The following PPFIA3 variants were observed in gnomAD, a reference collection of about 807,000 sequenced individuals.
The protein encoded by PPFIA3 is PPFI scaffold protein A3.
A neutral mutation model predicts 145.8 loss-of-function variants in PPFIA3; 26 were observed. The observed-to-expected ratio is 0.18, with a 90% CI of 0.13 to 0.25. The LOEUF is 0.25. PPFIA3 is among the 10% of genes least tolerant of loss of function. The pLI is 1.00. For missense variants in PPFIA3, 1,008 were observed against 1,587.8 expected, an observed-to-expected ratio of 0.63 and a Z score of 6.21; for synonymous variants, 645 against 661.4, an observed-to-expected ratio of 0.98 and a Z score of 0.38.
chr19:49,148,240 T>G lies in PPFIA3; in HGVS notation c.2993T>G (p.Met998Arg). The G allele has an allele frequency of 6.2e-7, 1 of 1,613,970 alleles. No homozygotes were observed. The highest frequency in any genetic ancestry group is 8.5e-7 in the Non-Finnish European group (1 of 1,179,848). Reference sequence around the variant, plus strand: ...AAGGAGCTCCGGGGCCAACTCAAGATGGTGGACAGCTTTCACAGGTGGGGG... The same window carrying G: ...AAGGAGCTCCGGGGCCAACTCAAGAGGGTGGACAGCTTTCACAGGTGGGGG... ...NKKELRGQLK[M>R]VDSFHRVSLH... Residue 998 changes from methionine (M) to arginine (R), a missense_variant, in exon 24 of 30, where the codon ATG (methionine) becomes AGG (arginine). Transcript: ENST00000334186.
At chr19:49,141,941 G>A in intron 19 of PPFIA3, 93 bp from the exon 20 acceptor site, 1 of 884,648 alleles carries the variant, frequency 1.1e-6, no homozygotes, top group Non-Finnish European at 1.7e-6. Flanking sequence ...ATGTGCATGT[G>A]TGTGTGTGTG....
At chr19:49,132,283 A>T (rs1034248553) in intron 7 of PPFIA3, among the ~76,000 whole-genome samples, 1 of 145,674 alleles carries the variant, frequency 6.9e-6, no homozygotes, top group African/African-American at 2.6e-5. Context: ...CAGCTACTTG[A>T]GAGGTTGAGG....
chr19:49,120,963 G>A lies in PPFIA3; in HGVS notation c.-16+1241G>A, dbSNP rs1409450349. ...GCTCTGTCCACTGCCCTCCCCAGCA[G>A]GTATCTAGTTTCTCAGGTCTCACTT... On this transcript the variant is annotated intron_variant, in intron 1 of 29. Transcript: ENST00000334186. This position sits in a 1 kb window ranked among gnomAD's most constrained non-coding sequence, Gnocchi z 4.6. 6.6e-6 allele frequency among the ~76,000 whole-genome samples: 1 copy of A among 152,176 alleles called. No individual in the cohort carries two copies. Among genetic ancestry groups the A allele is most frequent in the Non-Finnish European group, 1.5e-5 (1 of 68,034 alleles).
rs941363311 is a variant in PPFIA3 at position 49,138,187 on chromosome 19, C to T, written c.1854-18C>T. 2 of 1,556,796 alleles carry T rather than the reference C, an allele frequency of 1.3e-6. No individual in the cohort carries two copies. The highest frequency in any genetic ancestry group is 1.2e-5 in the South Asian group (1 of 85,624). ...CTGCTGCGGCCCCTCACCCAGTTTCCCCTATTTCCCTCCTCAGGCTGATCC... is the reference window on the plus strand; with the variant it reads ...CTGCTGCGGCCCCTCACCCAGTTTCTCCTATTTCCCTCCTCAGGCTGATCC... On this transcript the variant is annotated intron_variant, in intron 15 of 29. Transcript: ENST00000334186.
chr19:49,137,061 G>A (rs940245141), intron 15 of PPFIA3, 150 bp downstream of exon 15: 143 of 710,106 alleles, frequency 2.0e-4, no homozygotes, highest in South Asian at 4.1e-4. Context: ...CGCTGTCCAG[G>A]CATCCCCTAG....
At chr19:49,134,973 G>A in intron 13 of PPFIA3, 58 bp downstream of exon 13, 1 of 1,435,518 alleles carries the variant, frequency 7.0e-7, no homozygotes, top group South Asian at 1.4e-5. Flanking sequence ...CAAGCGCCAA[G>A]CTCCTCCCTT....
Position 49,128,259 on chromosome 19 carries a change from G to T in PPFIA3, c.241-108G>T, listed in dbSNP as rs980135417. The T allele has an allele frequency of 2.5e-4, 369 of 1,502,312 alleles. No homozygotes were observed. The highest frequency in any genetic ancestry group is 3.1e-4 in the South Asian group (26 of 85,222). The allele number at this position is 1,502,312 out of a possible 1,614,324, so 93.1% of individuals were successfully genotyped here. ...GGCGGGGCCTGAGTGGCAAGGGACA[G>T]CGGGACTTAGCAGGGAGGGCGGGAC... On this transcript the variant is annotated intron_variant, in intron 2 of 29. Transcript: ENST00000334186. This position sits in a 1 kb window ranked among gnomAD's most constrained non-coding sequence, Gnocchi z 4.1.
rs773853123 is a variant in PPFIA3, at chr19:49,143,015, G to T, written c.2745+11G>T. 6.3e-7 allele frequency: 1 copy of T among 1,599,046 alleles called. No individual in the cohort carries two copies. Among genetic ancestry groups the T allele is most frequent in the Admixed American group, 1.7e-5 (1 of 59,874 alleles). On this transcript the variant is annotated intron_variant, in intron 21 of 29. Coordinates refer to ENST00000334186, the MANE Select transcript of PPFIA3 (RefSeq NM_003660.4). ...GCCTCCTCCCGCACTGTGAGTGTCC[G>T]GCGGCCAATTCCAGCCTTCGCTTCC... is the stretch of plus-strand genomic sequence containing the variant.
At chr19:49,137,464 A>G (rs1249423031) in intron 15 of PPFIA3, among the ~76,000 whole-genome samples, 1 of 151,902 alleles carries the variant, frequency 6.6e-6, no homozygotes, top group Non-Finnish European at 1.5e-5. Context: ...ACCTGTCTCT[A>G]CTAAAAATGC....
At position 49,149,978 on chromosome 19, in the gene PPFIA3, C is replaced by T. The variant is rs981423902; in HGVS notation, c.3527-102C>T. 5.1e-6 allele frequency: 7 copies of T among 1,371,252 alleles called. No homozygotes were observed. Among genetic ancestry groups the T allele is most frequent in the South Asian group, 1.3e-5 (1 of 76,788 alleles). 84.9% of individuals were successfully genotyped at this position (1,371,252 alleles called of 1,614,324 possible). On this transcript the variant is annotated intron_variant, in intron 28 of 29. Coordinates refer to ENST00000334186, the MANE Select transcript of PPFIA3 (RefSeq NM_003660.4). This position sits in a 1 kb window ranked among gnomAD's most constrained non-coding sequence, Gnocchi z 5.7. ...GGAGGGAAACCCATGTGGAGCCCGG[C>T]GATCGTTGTGACATCGGGAAGGGAA...
In PPFIA3 at chr19:49,130,923, G is replaced by A. The variant is rs1028833883; in HGVS notation, c.879+324G>A. 7.2e-5 allele frequency among the ~76,000 whole-genome samples: 11 copies of A among 151,738 alleles called. No homozygotes were observed. The highest frequency in any genetic ancestry group is 1.5e-4 in the Non-Finnish European group (10 of 67,942). ...GTCGCCCAGGCTGGAGTGCAGTGGC[G>A]TGATCTTGGCTTACTGCCACCTCTG... is the stretch of plus-strand genomic sequence containing the variant. On this transcript the variant is annotated intron_variant, in intron 7 of 29. Coordinates refer to ENST00000334186, the MANE Select transcript of PPFIA3 (RefSeq NM_003660.4). This position sits in a 1 kb window ranked among gnomAD's most constrained non-coding sequence, Gnocchi z 4.5.
Position 49,136,761 on chromosome 19 carries a change from C to A in PPFIA3, c.1703C>A (p.Pro568His), listed in dbSNP as rs777146589. 2 of 1,578,020 alleles carry A rather than the reference C, an allele frequency of 1.3e-6. No homozygotes were observed. The highest frequency in any genetic ancestry group is 2.3e-5 in the East Asian group (1 of 43,938). The change falls in exon 15 of 30, where the codon CCC becomes CAC. Residue 568 changes from proline (P) to histidine (H), a missense_variant. Around this residue, in one of 11 missense-constraint regions of PPFIA3, gnomAD observed 121 missense variants for 138.2 expected, o/e 0.88. Transcript: ENST00000334186. ...ERSAPAGSIP[P>H]PFPGELDGSD... ...TCTGCCCCTGCGGGCTCCATACCAC[C>A]CCCATTCCCTGGGGAACTGGACGGC...
Position 49,127,964 on chromosome 19 carries a change from C to T in PPFIA3, c.91C>T (p.Leu31Phe). ...CGAGGCGGGCGGGGAGCTGGAGCGC[C>T]TCATGGTCACGATGCTCACGGAGCG... ...PDEAGGELER[L>F]MVTMLTERER... Residue 31 changes from leucine (L) to phenylalanine (F), a missense_variant, in exon 2 of 30, where the codon CTC becomes TTC. Transcript: ENST00000334186. The T allele has an allele frequency of 6.3e-7, 1 of 1,595,760 alleles. No homozygotes were observed. Among genetic ancestry groups the T allele is most frequent in the Non-Finnish European group, 8.5e-7 (1 of 1,178,658 alleles).
chr19:49,143,892 TAAATG>T (rs2041252808), intron 21 of PPFIA3, among the ~76,000 whole-genome samples: 1 of 152,212 alleles, frequency 6.6e-6, no homozygotes, highest in Admixed American at 6.5e-5. Context: ...TATTTGCATA[TAAATG>T]AAATATCTTG....
At chr19:49,131,624 G>A (rs1462071629) in intron 7 of PPFIA3, among the ~76,000 whole-genome samples, 2 of 151,918 alleles carry the variant, frequency 1.3e-5, no homozygotes, top group African/African-American at 4.8e-5. Flanking sequence ...TGAGCACTAG[G>A]ACTAGCCTGG....
At chr19:49,121,022 G>A (rs1392056285) in intron 1 of PPFIA3, among the ~76,000 whole-genome samples, 3 of 152,124 alleles carry the variant, frequency 2.0e-5, no homozygotes, top group South Asian at 2.1e-4. Flanking sequence ...TCATCACTCT[G>A]CCCCATCAAC....
chr19:49,139,705 G>A lies in PPFIA3; in HGVS notation c.2114G>A (p.Gly705Glu). 6.2e-7 allele frequency: 1 copy of A among 1,611,520 alleles called. No individual in the cohort carries two copies. The highest frequency in any genetic ancestry group is 8.5e-7 in the Non-Finnish European group (1 of 1,178,714). The change falls in exon 17 of 30, where the codon GGG becomes GAG. Residue 705 changes from glycine to glutamate, a missense_variant. Around this residue, in one of 11 missense-constraint regions of PPFIA3, gnomAD observed 202 missense variants for 241.8 expected, o/e 0.84. Transcript: ENST00000334186. ...AAGGAGGAAGCTGGAGCTCCACGAG[G>A]GGAGGGGCCGGCCATCCCAGGAGAC... ...VPKEEAGAPR[G>E]EGPAIPGDTP...
In PPFIA3 at chr19:49,139,825, G is replaced by A. The variant is rs531660941; in HGVS notation, c.2234G>A (p.Arg745Gln). Residue 745 changes from arginine (R) to glutamine (Q), a missense_variant, in exon 17 of 30, where the codon CGG becomes CAG. Transcript: ENST00000334186. ...AGSLEDGGPPRGSEGTPDSLH... is the reference protein window; with the variant it reads ...AGSLEDGGPPQGSEGTPDSLH... ...TCCCTGGAAGATGGGGGACCCCCACGGGGAAGGTCAGCAGGGACAAGGGAT... is the reference window on the plus strand; with the variant it reads ...TCCCTGGAAGATGGGGGACCCCCACAGGGAAGGTCAGCAGGGACAAGGGAT... 2.5e-5 allele frequency: 40 copies of A among 1,610,280 alleles called. No individual in the cohort carries two copies. Among genetic ancestry groups the A allele is most frequent in the Admixed American group, 3.3e-5 (2 of 59,730 alleles).
In PPFIA3 at chr19:49,142,127, C is replaced by A. The variant is rs557367536; in HGVS notation, c.2544+12C>A. ...TGTCCTGGCTGGAGGTACTGGGGCC[C>A]AGAAATGCCCTGACTGTTGGTCCCC... is the stretch of plus-strand genomic sequence containing the variant. On this transcript the variant is annotated intron_variant, in intron 20 of 29. Transcript: ENST00000334186. 6.4e-7 allele frequency: 1 copy of A among 1,561,576 alleles called. No homozygotes were observed. The highest frequency in any genetic ancestry group is 1.2e-5 in the South Asian group (1 of 84,698).
Sources: allele counts gnomAD v4.1 joint callset (sites outside exome capture counted in the v4.1 genomes callset), GRCh38; gene constraint gnomAD v4.1.1; regional missense constraint gnomAD v4.1.1; non-coding constraint Gnocchi (gnomAD v3.1); transcripts MANE v1.5; gene names NCBI Gene and HGNC (gene_info 2026-07-23, HGNC 2026-07-21).